ERBB4: variants seen among roughly 807,000 people sequenced by gnomAD.
ERBB4 encodes the protein receptor tyrosine-protein kinase erbB-4.
ERBB4 carries 42 observed loss-of-function variants against 158.0 expected under a neutral mutation model. The observed-to-expected ratio is 0.27, with a 90% confidence interval of 0.21 to 0.34. The LOEUF (loss-of-function observed/expected upper bound fraction) is 0.34, where lower values mean the gene tolerates loss of function less well. ERBB4 is among the 10% of genes least tolerant of loss of function. The probability of loss-of-function intolerance (pLI) is 1.00; values close to 1 mark genes in which losing one functional copy is unlikely to be tolerated. For missense variants in ERBB4, 1,333 were observed against 1,624.1 expected, an observed-to-expected ratio of 0.82 and a Z score of 3.08; for synonymous variants, 583 against 558.7, an observed-to-expected ratio of 1.04 and a Z score of -0.61.
At chr2:211,537,335 C>A (rs1216937536) in intron 20 of ERBB4, among the ~76,000 whole-genome samples, 2 of 151,868 alleles carry the variant, frequency 1.3e-5, no homozygotes, top group Admixed American at 6.6e-5. Context: ...TTGGAAATTT[C>A]TATAATTATT....
intron 1 of ERBB4, among the ~76,000 whole-genome samples, chr2:212,187,421 T>TTAATAAATA (rs143489475): frequency 6.8e-6 from 1 of 146,780 alleles, no homozygotes; most frequent in Non-Finnish European, 1.5e-5. Flanking sequence ...TAAAGTATAA[T>TTAATAAATA]AATAAATAAA....
chr2:212,469,485 T>A (rs994428847), intron 1 of ERBB4, among the ~76,000 whole-genome samples: 2 of 152,192 alleles, frequency 1.3e-5, no homozygotes, highest in Non-Finnish European at 2.9e-5. Flanking sequence ...ACTCTTTGAA[T>A]GTCATTGCTA....
chr2:212,246,127 T>G (rs898204427), intron 1 of ERBB4, among the ~76,000 whole-genome samples: 12 of 152,166 alleles, frequency 7.9e-5, no homozygotes, highest in African/African-American at 2.9e-4. Flanking sequence ...CCTCTCTGGG[T>G]CCTTCTCTTA....
intron 20 of ERBB4, among the ~76,000 whole-genome samples, chr2:211,528,199 G>A (rs1334908032): frequency 6.6e-6 from 1 of 151,912 alleles, no homozygotes; most frequent in Non-Finnish European, 1.5e-5. Context: ...AAAAGAGCAA[G>A]AGTTGCTATA....
chr2:212,245,170 G>A (rs1260644400), intron 1 of ERBB4, among the ~76,000 whole-genome samples: 1 of 151,632 alleles, frequency 6.6e-6, no homozygotes, highest in Non-Finnish European at 1.5e-5. Context: ...ACTTATCATA[G>A]AAAATTTGAA....
At chr2:211,562,882 C>T (rs1002257119) in intron 19 of ERBB4, among the ~76,000 whole-genome samples, 62 of 150,290 alleles carry the variant, frequency 4.1e-4, no homozygotes, top group African/African-American at 1.5e-3. Context: ...CGCCATTCTC[C>T]TGCCTCAGCC....
chr2:211,834,660 G>A (rs2077300880), intron 3 of ERBB4, among the ~76,000 whole-genome samples: 1 of 152,046 alleles, frequency 6.6e-6, no homozygotes. Flanking sequence ...CGAATTTGAT[G>A]TCATCAATAT....
At chr2:211,702,302 TG>T in intron 11 of ERBB4, 136 bp from the exon 12 acceptor site, 1 of 756,494 alleles carries the variant, frequency 1.3e-6, no homozygotes, top group Non-Finnish European at 2.3e-6. Context: ...TTTAGAATAT[TG>T]TTTTTACATG....
At chr2:212,240,662 A>AAAAAC (rs1559823274) in intron 1 of ERBB4, among the ~76,000 whole-genome samples, 4 of 147,358 alleles carry the variant, frequency 2.7e-5, no homozygotes, top group African/African-American at 1.0e-4. Flanking sequence ...AAAAAAAAAA[A>AAAAAC]AAAAACAGAA....
At chr2:211,418,084 ATTT>A (rs56391296) in intron 25 of ERBB4, among the ~76,000 whole-genome samples, 48 of 147,218 alleles carry the variant, frequency 3.3e-4, no homozygotes, top group Admixed American at 6.8e-4. Context: ...AAAATGCATT[ATTT>A]TTTTTTTTTT....
intron 20 of ERBB4, among the ~76,000 whole-genome samples, chr2:211,436,236 A>G (rs6738323): frequency 0.48 from 72,759 of 152,074 alleles, 19,139 homozygotes; most frequent in Middle Eastern, 0.6. Flanking sequence ...TTTAATTTAT[A>G]TTTTAAACTC....
chr2:211,666,220 A>C (rs1280313167), intron 14 of ERBB4, among the ~76,000 whole-genome samples: 2 of 152,160 alleles, frequency 1.3e-5, no homozygotes, highest in South Asian at 4.1e-4. Flanking sequence ...AAATCACAGA[A>C]CAATACTGAA....
At chr2:212,048,007 T>C (rs1382478708) in intron 2 of ERBB4, among the ~76,000 whole-genome samples, 1 of 152,144 alleles carries the variant, frequency 6.6e-6, no homozygotes, top group Non-Finnish European at 1.5e-5. Flanking sequence ...TGGGTGTTCA[T>C]GAGAGACTTC....
chr2:211,972,225 T>C (rs1575455395), intron 2 of ERBB4, among the ~76,000 whole-genome samples: 1 of 152,112 alleles, frequency 6.6e-6, no homozygotes, highest in African/African-American at 2.4e-5. Context: ...CAAGGAAAAC[T>C]ACAAACCCCT....
At chr2:212,333,088 C>T (rs564400153) in intron 1 of ERBB4, among the ~76,000 whole-genome samples, 2 of 152,110 alleles carry the variant, frequency 1.3e-5, no homozygotes, top group East Asian at 1.9e-4. Flanking sequence ...AAAGCACACA[C>T]ATGTATACTT....
In ERBB4 at chr2:211,791,406, T is replaced by A. The variant is rs2076277208; in HGVS notation, c.422-3247A>T. Among the ~76,000 whole-genome samples the A allele has an allele frequency of 3.3e-5, 5 of 151,700 alleles. No homozygotes were observed. In the South Asian group the frequency reaches 1.0e-3, roughly 31 times the overall value. ...ATACCAACCAACAGTTTCCCCCCAC[T>A]AACATGAAATAAAGTAACAAATAAA... On this transcript the variant is annotated intron_variant, in intron 3 of 27. Transcript: ENST00000342788.
chr2:211,944,271 C>A, intron 3 of ERBB4, among the ~76,000 whole-genome samples: 1 of 144,632 alleles, frequency 6.9e-6, no homozygotes, highest in African/African-American at 2.6e-5. Context: ...CTCTTGGTTA[C>A]AACACTCTGT....
intron 1 of ERBB4, among the ~76,000 whole-genome samples, chr2:212,236,114 A>G (rs1175312913): frequency 6.6e-6 from 1 of 152,144 alleles, no homozygotes; most frequent in African/African-American, 2.4e-5. Flanking sequence ...TGTCATAAAG[A>G]GCTCTTATTA....
intron 3 of ERBB4, among the ~76,000 whole-genome samples, chr2:211,825,924 G>A (rs898902059): frequency 6.1e-5 from 9 of 147,500 alleles, no homozygotes; most frequent in Non-Finnish European, 1.0e-4. Context: ...TGTTAATTTG[G>A]GAGCTTTGGC....
Sources: gnomAD v4.1 joint callset for allele counts (sites outside exome capture counted in the v4.1 genomes callset) on GRCh38, gnomAD v4.1.1 for gene constraint, MANE v1.5 for transcripts, NCBI Gene and HGNC (gene_info 2026-07-23, HGNC 2026-07-21) for gene names.